The following ARHGEF38 variants were observed in gnomAD, a reference collection of about 807,000 sequenced individuals.
The protein encoded by ARHGEF38 is Rho guanine nucleotide exchange factor 38.
Under a neutral mutation model 79.9 loss-of-function variants are expected in ARHGEF38, and 79 were observed. The ratio of observed to expected loss-of-function variants is 0.99; its 90% CI spans 0.82 to 1.19. ARHGEF38 has a LOEUF of 1.19. ARHGEF38 is among the 50% of genes most tolerant of loss of function. The probability of loss-of-function intolerance (pLI) is 0.00; values close to 1 mark genes in which losing one functional copy is unlikely to be tolerated. For missense variants in ARHGEF38, 962 were observed against 907.2 expected (o/e 1.06, Z -0.78); for synonymous variants, 366 against 328.3 (o/e 1.11, Z -1.24).
At chr4:105,561,489 A>AATGGAATG (rs1560684712) in intron 1 of ARHGEF38, 1 of 68,884 alleles carries the variant, frequency 1.5e-5, no homozygotes, top group African/African-American at 5.1e-5. Flanking sequence ...AGAATAGAAT[A>AATGGAATG]GAATAGAATA....
intron 9 of ARHGEF38, among the ~76,000 whole-genome samples, chr4:105,658,234 C>T (rs1432995817): frequency 2.0e-5 from 3 of 151,962 alleles, no homozygotes; most frequent in Non-Finnish European, 4.4e-5. Flanking sequence ...AGAGTGAGAC[C>T]GTATCTCTAC....
rs770568838 is a variant in ARHGEF38, at chr4:105,589,447, T to C, written c.384+12T>C. ...TGAGAAATAAAAAGGTAAATATATATTTGAGATTTTTTTTTCTCTCCCATA... is the reference window on the plus strand; with the variant it reads ...TGAGAAATAAAAAGGTAAATATATACTTGAGATTTTTTTTTCTCTCCCATA... On this transcript the variant is annotated intron_variant, in intron 2 of 13. Coordinates refer to ENST00000420470, the MANE Select transcript of ARHGEF38 (RefSeq NM_001242729.2). 6 of 1,593,158 alleles carry C rather than the reference T, an allele frequency of 3.8e-6. No homozygotes were observed. The African/African-American group carries it at 4.1e-5, about 11-fold the overall frequency.
At chr4:105,629,924 C>G (rs1244755591) in intron 3 of ARHGEF38, among the ~76,000 whole-genome samples, 1 of 152,080 alleles carries the variant, frequency 6.6e-6, no homozygotes, top group Non-Finnish European at 1.5e-5. Flanking sequence ...TTTTATTTCT[C>G]TAAACTCCAT....
chr4:105,580,990 T>A (rs1726760611), intron 1 of ARHGEF38, among the ~76,000 whole-genome samples: 1 of 152,126 alleles, frequency 6.6e-6, no homozygotes, highest in Admixed American at 6.5e-5. Flanking sequence ...TGTTTGTTTT[T>A]TGGTGGAGAG....
chr4:105,637,949 A>G (rs1483004494), intron 5 of ARHGEF38, among the ~76,000 whole-genome samples: 1 of 152,158 alleles, frequency 6.6e-6, no homozygotes, highest in Non-Finnish European at 1.5e-5. Context: ...AAAAAAGAAG[A>G]GCAATCCCAG....
chr4:105,567,419 C>T (rs1578260618), intron 1 of ARHGEF38, among the ~76,000 whole-genome samples: 1 of 152,176 alleles, frequency 6.6e-6, no homozygotes, highest in East Asian at 1.9e-4. Context: ...CAGAAACATA[C>T]ACATGGTATT....
intron 1 of ARHGEF38, among the ~76,000 whole-genome samples, chr4:105,574,917 T>G (rs553743280): frequency 1.2e-4 from 19 of 152,046 alleles, no homozygotes; most frequent in African/African-American, 4.6e-4. Context: ...AGACATTATT[T>G]CATTCTTTTT....
intron 10 of ARHGEF38, among the ~76,000 whole-genome samples, chr4:105,663,200 G>C (rs1299219119): frequency 2.0e-5 from 3 of 152,072 alleles, no homozygotes; most frequent in Admixed American, 1.3e-4. Context: ...AGAGTACCTT[G>C]TTTTAATACC....
At chr4:105,575,741 G>A (rs887390285) in intron 1 of ARHGEF38, among the ~76,000 whole-genome samples, 4 of 152,056 alleles carry the variant, frequency 2.6e-5, no homozygotes, top group African/African-American at 2.4e-5. Flanking sequence ...ACGTCCAGAA[G>A]AGTTTTTTCA....
intron 9 of ARHGEF38, among the ~76,000 whole-genome samples, chr4:105,658,662 T>G (rs1049791286): frequency 6.6e-6 from 1 of 152,040 alleles, no homozygotes; most frequent in African/African-American, 2.4e-5. Context: ...GTCTTGGTAG[T>G]CAAAGGCTAG....
chr4:105,561,483 TA>T lies in ARHGEF38; in HGVS notation c.196+8523del, dbSNP rs1560684658. 29 of 134,458 alleles carry T rather than the reference TA, an allele frequency of 2.2e-4. 3 individuals carry two copies. In the East Asian group the frequency reaches 3.2e-3, roughly 15 times the overall value. 8.3% of individuals were successfully genotyped at this position (134,458 alleles called of 1,614,324 possible). The stretch of plus-strand genomic sequence containing the variant: ...TAGAATAGAATAGAATAGAATAGAA[TA>T]GAATAGAATAGAATAGAATAGAATA... On this transcript the variant is annotated intron_variant, in intron 1 of 13. Transcript: ENST00000420470.
At position 105,677,983 on chromosome 4, in the gene ARHGEF38, C is replaced by T; in HGVS notation, c.*46C>T. ...TATTTTCCAGCAAGTTGTTGATTGA[C>T]TACCTCATAAAACTGACATTACAAA... On this transcript the variant is annotated 3_prime_UTR_variant, in exon 14 of 14. Transcript: ENST00000420470. 7.0e-7 allele frequency: 1 copy of T among 1,438,326 alleles called. No individual in the cohort carries two copies. The highest frequency in any genetic ancestry group is 9.2e-7 in the Non-Finnish European group (1 of 1,086,982). The allele number at this position is 1,438,326 out of a possible 1,614,324, so 89.1% of individuals were successfully genotyped here. A position where few individuals can be genotyped will look rare whatever the true frequency, so the allele number is the denominator to read the frequency against.
rs114920244 is a variant in ARHGEF38, at chr4:105,594,597, A to G, written c.384+5162A>G. 3.5e-3 allele frequency among the ~76,000 whole-genome samples: 528 copies of G among 152,330 alleles called. 3 individuals carry two copies. The highest frequency in any genetic ancestry group is 0.012 in the African/African-American group (485 of 41,576). On this transcript the variant is annotated intron_variant, in intron 2 of 13. Coordinates refer to ENST00000420470, the MANE Select transcript of ARHGEF38 (RefSeq NM_001242729.2). ...AACAAGTCATTTTATTTAAGTGAAA[A>G]TTGGATGAAGGAAGTTGAAAACTGA... is the stretch of plus-strand genomic sequence containing the variant.
chr4:105,603,785 A>G (rs1338185650), intron 2 of ARHGEF38, among the ~76,000 whole-genome samples: 2 of 152,116 alleles, frequency 1.3e-5, no homozygotes, highest in Non-Finnish European at 2.9e-5. Flanking sequence ...ATCCCAACAT[A>G]GCCATCACTT....
chr4:105,620,794 T>C (rs894507144), intron 3 of ARHGEF38, among the ~76,000 whole-genome samples: 1 of 151,292 alleles, frequency 6.6e-6, no homozygotes, highest in African/African-American at 2.5e-5. Context: ...TGGCCCTCAA[T>C]GGACCATGCC....
At chr4:105,606,097 C>A (rs1163862204) in intron 2 of ARHGEF38, among the ~76,000 whole-genome samples, 1 of 152,068 alleles carries the variant, frequency 6.6e-6, no homozygotes, top group East Asian at 1.9e-4. Context: ...GAGTAGAGGG[C>A]ACCAAGGTTC....
chr4:105,679,191 G>T lies in ARHGEF38; in HGVS notation c.*1254G>T. ...AATTGCCAGATCGACAACCTGACTG[G>T]CCTGACCAGCCACTCCTCTGTCTGG... is the stretch of plus-strand genomic sequence containing the variant. On this transcript the variant is annotated 3_prime_UTR_variant, in exon 14 of 14. Transcript: ENST00000420470. 1 of 617,588 alleles carries T rather than the reference G, an allele frequency of 1.6e-6. No homozygotes were observed. The highest frequency in any genetic ancestry group is 2.9e-6 in the Non-Finnish European group (1 of 343,484). The allele number at this position is 617,588 out of a possible 1,614,324, so 38.3% of individuals were successfully genotyped here. A position where few individuals can be genotyped will look rare whatever the true frequency, so the allele number is the denominator to read the frequency against.
intron 11 of ARHGEF38, among the ~76,000 whole-genome samples, chr4:105,666,662 C>T (rs1730761416): frequency 6.6e-6 from 1 of 152,058 alleles, no homozygotes; most frequent in Non-Finnish European, 1.5e-5. Context: ...CATACCAGGC[C>T]CCAGAGATAA....
At chr4:105,653,911 A>G (rs1288039100) in intron 7 of ARHGEF38, among the ~76,000 whole-genome samples, 154 bp from the exon 8 acceptor site, 1 of 152,226 alleles carries the variant, frequency 6.6e-6, no homozygotes, top group African/African-American at 2.4e-5. Context: ...GTACCAACAG[A>G]GAAAGTATGT....
Sources: allele counts gnomAD v4.1 joint callset (sites outside exome capture counted in the v4.1 genomes callset), GRCh38; gene constraint gnomAD v4.1.1; transcripts MANE v1.5; gene names NCBI Gene and HGNC (gene_info 2026-07-23, HGNC 2026-07-21).